Variants in NAALADL2 observed in about 807,000 individuals in gnomAD.
NAALADL2 encodes the protein N-acetylated alpha-linked acidic dipeptidase like 2.
NAALADL2 carries 76 observed loss-of-function variants against 87.2 expected under a neutral mutation model. The observed-to-expected ratio is 0.87, with a 90% confidence interval of 0.72 to 1.05. NAALADL2 has a LOEUF of 1.05. NAALADL2 is among the 50% of genes least tolerant of loss of function. The pLI, the probability that NAALADL2 is intolerant of heterozygous loss-of-function variation, is 0.00. For synonymous variants in NAALADL2, 354 were observed against 331.0 expected, an observed-to-expected ratio of 1.07 and a Z score of -0.75; for missense variants, 1,089 against 945.8, an observed-to-expected ratio of 1.15 and a Z score of -1.99.
At chr3:175,234,878 C>A (rs993434227) in intron 3 of NAALADL2, 3 of 151,960 alleles carry the variant, frequency 2.0e-5, no homozygotes, top group Non-Finnish European at 4.4e-5. Flanking sequence ...AATAATAGTT[C>A]CAACTCATAA....
chr3:174,455,227 C>T (rs529979684), intron 1 of NAALADL2, among the ~76,000 whole-genome samples: 3 of 152,210 alleles, frequency 2.0e-5, no homozygotes, highest in Non-Finnish European at 2.9e-5. Flanking sequence ...GAAAGTGTAT[C>T]AGTAATAAGT....
intron 11 of NAALADL2, among the ~76,000 whole-genome samples, chr3:175,631,781 G>T (rs528080503): frequency 4.2e-4 from 64 of 151,990 alleles, no homozygotes; most frequent in Middle Eastern, 6.8e-3. Context: ...GATTAAAAAT[G>T]GCCATGTATT....
intron 5 of NAALADL2, among the ~76,000 whole-genome samples, chr3:175,361,964 T>A (rs200125476): frequency 4.7e-5 from 7 of 147,910 alleles, no homozygotes; most frequent in East Asian, 2.0e-4. Flanking sequence ...CTGAATGGTA[T>A]TGCCTAGGTT....
chr3:175,742,510 G>A (rs1745371226), intron 12 of NAALADL2, among the ~76,000 whole-genome samples: 2 of 131,740 alleles, frequency 1.5e-5, no homozygotes, highest in African/African-American at 6.1e-5. Flanking sequence ...CCATTCTCCT[G>A]CCTCAGCCTC....
chr3:174,945,318 T>G (rs1739249494), intron 1 of NAALADL2, among the ~76,000 whole-genome samples: 1 of 152,198 alleles, frequency 6.6e-6, no homozygotes, highest in Admixed American at 6.5e-5. Context: ...ATGAAGCCCC[T>G]TTTGCACTAG....
intron 2 of NAALADL2, among the ~76,000 whole-genome samples, chr3:174,565,400 A>G (rs1714138813): frequency 6.6e-6 from 1 of 152,014 alleles, no homozygotes; most frequent in Admixed American, 6.6e-5. Context: ...CTTTTCTAGA[A>G]CATCATGTAG....
At chr3:175,158,217 A>G (rs1335478700) in intron 2 of NAALADL2, among the ~76,000 whole-genome samples, 4 of 152,098 alleles carry the variant, frequency 2.6e-5, no homozygotes, top group African/African-American at 9.6e-5. Flanking sequence ...TCCATATCAC[A>G]GTGCTTTAGG....
intron 9 of NAALADL2, among the ~76,000 whole-genome samples, chr3:175,527,280 T>C (rs950595057): frequency 6.6e-6 from 1 of 152,184 alleles, no homozygotes; most frequent in Admixed American, 6.6e-5. Flanking sequence ...TCATAGCTGA[T>C]GAGGCCCTTC....
intron 2 of NAALADL2, among the ~76,000 whole-genome samples, chr3:174,647,677 C>CA (rs1218335774): frequency 6.6e-5 from 10 of 152,308 alleles, no homozygotes; most frequent in South Asian, 2.1e-4. Flanking sequence ...TGTGCAGTGA[C>CA]AGAGATCTAA....
chr3:175,582,369 A>C (rs1418152809), intron 10 of NAALADL2, among the ~76,000 whole-genome samples: 1 of 152,238 alleles, frequency 6.6e-6, no homozygotes, highest in Non-Finnish European at 1.5e-5. Flanking sequence ...AATCTAAATA[A>C]GAATATTTAT....
intron 3 of NAALADL2, among the ~76,000 whole-genome samples, chr3:174,799,880 C>T (rs1029627504): frequency 6.6e-6 from 1 of 152,070 alleles, no homozygotes; most frequent in Non-Finnish European, 1.5e-5. Context: ...AGATGAGAAA[C>T]ATGTTGGGAG....
intron 10 of NAALADL2, among the ~76,000 whole-genome samples, chr3:175,578,236 A>G (rs1719195940): frequency 6.6e-6 from 1 of 152,102 alleles, no homozygotes; most frequent in South Asian, 2.1e-4. Flanking sequence ...TACCTGGGCA[A>G]CACGGTGAAA....
chr3:175,083,218 C>A (rs1386496724), intron 1 of NAALADL2, among the ~76,000 whole-genome samples: 1 of 152,190 alleles, frequency 6.6e-6, no homozygotes, highest in Non-Finnish European at 1.5e-5. Flanking sequence ...CCCCCGGAAA[C>A]AACCTTCACA....
chr3:175,621,877 C>G (rs891693287), intron 10 of NAALADL2, among the ~76,000 whole-genome samples: 1 of 152,048 alleles, frequency 6.6e-6, no homozygotes, highest in Non-Finnish European at 1.5e-5. Context: ...ATAACTGTAC[C>G]TAAGTAGACA....
chr3:175,196,539 G>A (rs1739027108), intron 2 of NAALADL2, among the ~76,000 whole-genome samples: 1 of 151,800 alleles, frequency 6.6e-6, no homozygotes, highest in Non-Finnish European at 1.5e-5. Flanking sequence ...TCCTTAGCTG[G>A]CATTAAATTC....
At chr3:175,718,085 G>C in intron 11 of NAALADL2, 1 of 661,696 alleles carries the variant, frequency 1.5e-6, no homozygotes, top group Non-Finnish European at 2.4e-6. Context: ...CCTTTGAATG[G>C]GAGCTTCCTT....
chr3:175,523,023 G>A (rs770367657), intron 9 of NAALADL2, among the ~76,000 whole-genome samples: 28 of 152,140 alleles, frequency 1.8e-4, no homozygotes, highest in Non-Finnish European at 3.4e-4. Context: ...CATGAGCCCT[G>A]AAAATTACAT....
intron 11 of NAALADL2, among the ~76,000 whole-genome samples, chr3:175,703,134 A>G (rs532141864): frequency 4.6e-5 from 7 of 152,136 alleles, no homozygotes; most frequent in South Asian, 4.1e-4. Flanking sequence ...AACAATTAAA[A>G]CTCACTGGCA....
chr3:175,315,000 A>G (rs929152991), intron 4 of NAALADL2, among the ~76,000 whole-genome samples: 2 of 151,972 alleles, frequency 1.3e-5, no homozygotes, highest in Admixed American at 1.3e-4. Flanking sequence ...GCAGTTACCT[A>G]CCAAGTCCTT....
Sources: gnomAD v4.1 joint callset for allele counts (sites outside exome capture counted in the v4.1 genomes callset) on GRCh38, gnomAD v4.1.1 for gene constraint, MANE v1.5 for transcripts, NCBI Gene and HGNC (gene_info 2026-07-23, HGNC 2026-07-21) for gene names.